Variants in SMAP2 observed in about 807,000 individuals in gnomAD.
The protein encoded by SMAP2 is stromal membrane-associated protein 2.
A neutral mutation model predicts 56.4 loss-of-function variants in SMAP2; 25 were observed. The observed-to-expected ratio is 0.44, with a 90% confidence interval of 0.32 to 0.62. The LOEUF is 0.62. Ranked by LOEUF, SMAP2 falls within the 20% of genes least tolerant of loss-of-function variation. The pLI is 0.04. For missense variants in SMAP2, 388 were observed against 545.6 expected, an observed-to-expected ratio of 0.71 and a Z score of 2.88; for synonymous variants, 157 against 181.7, an observed-to-expected ratio of 0.86 and a Z score of 1.09.
upstream of SMAP2, among the ~76,000 whole-genome samples, chr1:40,372,607 T>C (rs961673348): frequency 1.3e-5 from 2 of 152,206 alleles, no homozygotes; most frequent in African/African-American, 4.8e-5. Flanking sequence ...ATTTAATTGT[T>C]GTGATTAATA....
upstream of SMAP2, among the ~76,000 whole-genome samples, chr1:40,371,026 A>G (rs1644494063): frequency 6.6e-6 from 1 of 152,072 alleles, no homozygotes. Context: ...ACAAAAAATT[A>G]GCCAGGAGTG....
intron 9 of SMAP2, among the ~76,000 whole-genome samples, chr1:40,419,868 A>G (rs1352436126): frequency 6.6e-6 from 1 of 152,122 alleles, no homozygotes; most frequent in Non-Finnish European, 1.5e-5. Context: ...TATCTTTATC[A>G]GGGTTATACT....
At chr1:40,363,002 A>C (rs772362880) in intron 2 of SMAP2, among the ~76,000 whole-genome samples, 3 of 152,188 alleles carry the variant, frequency 2.0e-5, no homozygotes, top group Admixed American at 1.3e-4. Flanking sequence ...CTGTCAGAGT[A>C]TTAGGAGATG....
Position 40,416,808 on chromosome 1 carries a change from A to C in SMAP2, c.876A>C (p.Ala292=). The change falls in exon 9 of 10, where the codon GCA becomes GCC. Residue 292 remains alanine, a synonymous_variant. Transcript: ENST00000372718. ...TGTTCATGGCTCCCGCTCAGATGGC[A>C]TATCCCACAGCCTACCCCAGCTTCC... ...QAMFMAPAQM[A]YPTAYPSFPG... is the part of the protein sequence containing the mutation. 6.2e-7 allele frequency: 1 copy of C among 1,605,698 alleles called. No homozygotes were observed. The highest frequency in any genetic ancestry group is 8.5e-7 in the Non-Finnish European group (1 of 1,172,938).
At chr1:40,359,623 T>C (rs183105304) in intron 1 of SMAP2, among the ~76,000 whole-genome samples, 10 of 152,340 alleles carry the variant, frequency 6.6e-5, no homozygotes, top group Non-Finnish European at 1.3e-4. Context: ...TTCCTTTTAG[T>C]GAAGGTGGTT....
chr1:40,353,532 C>A (rs1353377395), intron 1 of SMAP2, among the ~76,000 whole-genome samples: 3 of 152,054 alleles, frequency 2.0e-5, no homozygotes, highest in Non-Finnish European at 4.4e-5. Context: ...CCATGCCCGG[C>A]TAATTTTTTG....
chr1:40,355,952 C>T (rs973276115), intron 1 of SMAP2, among the ~76,000 whole-genome samples: 2 of 152,028 alleles, frequency 1.3e-5, no homozygotes, highest in African/African-American at 4.8e-5. Flanking sequence ...TATTTTTGTA[C>T]CCGTTAACCA....
intron 1 of SMAP2, chr1:40,393,447 CA>C: frequency 6.5e-7 from 1 of 1,529,082 alleles, no homozygotes; most frequent in Non-Finnish European, 8.7e-7. Flanking sequence ...AAGATTTGCA[CA>C]AAAAGATGTT....
intron 1 of SMAP2, among the ~76,000 whole-genome samples, chr1:40,375,590 A>G (rs373076416): frequency 2.6e-5 from 4 of 152,384 alleles, no homozygotes; most frequent in East Asian, 1.9e-4. Flanking sequence ...TGCATTAGCA[A>G]TAATTCATTT....
intron 8 of SMAP2, among the ~76,000 whole-genome samples, 176 bp downstream of exon 8, chr1:40,416,517 C>T (rs1367637494): frequency 6.6e-6 from 1 of 152,210 alleles, no homozygotes; most frequent in Non-Finnish European, 1.5e-5. Flanking sequence ...CAGAGTCATA[C>T]TTCTGTGGAG....
rs554048488 is a variant in SMAP2, at chr1:40,402,113, T to C, written c.104-4623T>C. The stretch of plus-strand genomic sequence containing the variant: ...TGGCATATTGCCTCTCAGCATTTCT[T>C]TTCATTTTAAATTTCAAAATGGCAT... On this transcript the variant is annotated intron_variant, in intron 1 of 9. Transcript: ENST00000372718. 1.1e-3 allele frequency among the ~76,000 whole-genome samples: 175 copies of C among 152,368 alleles called. 1 individual carries two copies. Among genetic ancestry groups the C allele is most frequent in the Non-Finnish European group, 2.0e-3 (135 of 68,030 alleles).
At chr1:40,382,807 T>G (rs1644611820) in intron 1 of SMAP2, among the ~76,000 whole-genome samples, 1 of 152,244 alleles carries the variant, frequency 6.6e-6, no homozygotes, top group Non-Finnish European at 1.5e-5. Flanking sequence ...TTCACTGTAG[T>G]GTTCCCAGCA....
chr1:40,409,528 A>G (rs1260004471), intron 3 of SMAP2, among the ~76,000 whole-genome samples: 2 of 152,250 alleles, frequency 1.3e-5, no homozygotes, highest in African/African-American at 2.4e-5. Flanking sequence ...ACTTGCTGCT[A>G]TCATCACGCT....
intron 5 of SMAP2, among the ~76,000 whole-genome samples, chr1:40,413,631 G>A (rs1644959037): frequency 6.6e-6 from 1 of 152,320 alleles, no homozygotes; most frequent in East Asian, 1.9e-4. Context: ...TTGGGAGAGA[G>A]GACTTTACTT....
intron 2 of SMAP2, chr1:40,365,059 G>T: frequency 4.5e-6 from 1 of 223,988 alleles, no homozygotes. Flanking sequence ...GATGACAGAC[G>T]ATGAGCTTGT....
At chr1:40,381,146 C>G (rs1644593974) in intron 1 of SMAP2, among the ~76,000 whole-genome samples, 1 of 152,134 alleles carries the variant, frequency 6.6e-6, no homozygotes, top group Admixed American at 6.6e-5. Flanking sequence ...AAATGTATAT[C>G]TTTTAGGGGA....
At chr1:40,371,917 C>T (rs1644498590), upstream of SMAP2, among the ~76,000 whole-genome samples, 1 of 152,154 alleles carries the variant, frequency 6.6e-6, no homozygotes, top group Non-Finnish European at 1.5e-5. Flanking sequence ...CACCAAGAGG[C>T]TAAGTAACCT....
intron 1 of SMAP2, among the ~76,000 whole-genome samples, chr1:40,400,141 G>A (rs1644817867): frequency 6.6e-6 from 1 of 152,164 alleles, no homozygotes; most frequent in South Asian, 2.1e-4. Context: ...TAGGGAAAGA[G>A]TTTTTTTAGG....
intron 1 of SMAP2, among the ~76,000 whole-genome samples, chr1:40,395,023 G>T (rs1213985756): frequency 6.6e-6 from 1 of 152,074 alleles, no homozygotes; most frequent in African/African-American, 2.4e-5. Context: ...TGTCACTCTT[G>T]GTGTATAGAA....
Sources: allele counts gnomAD v4.1 joint callset (sites outside exome capture counted in the v4.1 genomes callset), GRCh38; gene constraint gnomAD v4.1.1; transcripts MANE v1.5; gene names NCBI Gene and HGNC (gene_info 2026-07-23, HGNC 2026-07-21).